Variants in TENM2 observed in about 807,000 individuals in gnomAD.
TENM2 encodes the protein teneurin-2.
TENM2 carries 52 observed loss-of-function variants against 245.2 expected under a neutral mutation model. The ratio of observed to expected loss-of-function variants is 0.21; its 90% CI spans 0.17 to 0.27. TENM2 has a LOEUF of 0.27. Ranked by LOEUF, TENM2 falls within the 10% of genes least tolerant of loss-of-function variation. The pLI is 1.00. For synonymous variants in TENM2, 1,363 were observed against 1,438.9 expected (o/e 0.95, Z 1.19); for missense variants, 3,046 against 3,666.8 (o/e 0.83, Z 4.37).
At chr5:167,868,436 G>C (rs1772519960) in intron 2 of TENM2, among the ~76,000 whole-genome samples, 1 of 151,910 alleles carries the variant, frequency 6.6e-6, no homozygotes, top group African/African-American at 2.4e-5. Flanking sequence ...ATATATATCT[G>C]TATTTAAATT....
intron 2 of TENM2, among the ~76,000 whole-genome samples, chr5:167,760,571 G>T (rs1375322408): frequency 6.6e-6 from 1 of 152,150 alleles, no homozygotes; most frequent in Non-Finnish European, 1.5e-5. Flanking sequence ...CCCTAGAGTG[G>T]ACAGCCAGTT....
At chr5:167,808,653 A>G (rs1766407943) in intron 2 of TENM2, among the ~76,000 whole-genome samples, 1 of 152,192 alleles carries the variant, frequency 6.6e-6, no homozygotes, top group South Asian at 2.1e-4. Flanking sequence ...AGAGAGATAG[A>G]AACCCCTTGT....
At chr5:167,739,465 G>C (rs1318899561) in intron 2 of TENM2, among the ~76,000 whole-genome samples, 2 of 152,144 alleles carry the variant, frequency 1.3e-5, no homozygotes, top group African/African-American at 4.8e-5. Context: ...CCAGTTACCT[G>C]TAAGCCAGAC....
At chr5:167,017,932 G>A in the TENM2 span, among the ~76,000 whole-genome samples, 1 of 152,128 alleles carries the variant, frequency 6.6e-6, no homozygotes, top group Non-Finnish European at 1.5e-5. Flanking sequence ...AAATGTAGGA[G>A]AAAAGGAAAT....
At chr5:167,654,404 G>A (rs967833031) in intron 2 of TENM2, among the ~76,000 whole-genome samples, 1 of 152,078 alleles carries the variant, frequency 6.6e-6, no homozygotes, top group Non-Finnish European at 1.5e-5. Flanking sequence ...TCTGGAGAGC[G>A]AGTGCCTCCT....
intron 2 of TENM2, among the ~76,000 whole-genome samples, chr5:167,800,916 T>C (rs1189306555): frequency 6.6e-6 from 1 of 151,784 alleles, no homozygotes; most frequent in Admixed American, 6.6e-5. Flanking sequence ...AGTAGATGAA[T>C]AGGCTGATTT....
At chr5:167,845,782 C>A (rs1769988454) in intron 2 of TENM2, among the ~76,000 whole-genome samples, 1 of 152,152 alleles carries the variant, frequency 6.6e-6, no homozygotes. Context: ...ATTTTGTCTT[C>A]AAAATAGCCC....
chr5:167,777,481 G>A (rs1442260653), intron 2 of TENM2, among the ~76,000 whole-genome samples: 1 of 152,200 alleles, frequency 6.6e-6, no homozygotes, highest in Non-Finnish European at 1.5e-5. Context: ...GTGTTTGGGA[G>A]GTGGTACGAC....
At chr5:168,047,334 C>T in intron 5 of TENM2, 93 bp from the exon 8 acceptor site, 1 of 1,428,200 alleles carries the variant, frequency 7.0e-7, no homozygotes, top group South Asian at 1.3e-5. Context: ...CCTCAAAAGG[C>T]AATCGCTTGG....
At chr5:167,101,657 C>A in the TENM2 span, among the ~76,000 whole-genome samples, 1 of 151,226 alleles carries the variant, frequency 6.6e-6, no homozygotes. Flanking sequence ...TCCACTCCCT[C>A]TTGGGAATCC....
the TENM2 span, among the ~76,000 whole-genome samples, chr5:167,062,450 G>A: frequency 6.6e-6 from 1 of 151,428 alleles, no homozygotes; most frequent in African/African-American, 2.4e-5. Flanking sequence ...AAGAACTCAG[G>A]TTGGATTTTA....
At chr5:167,158,506 T>G in the TENM2 span, among the ~76,000 whole-genome samples, 1 of 152,202 alleles carries the variant, frequency 6.6e-6, no homozygotes, top group South Asian at 2.1e-4. Context: ...ATAGATTGTG[T>G]GGCTTCAACG....
chr5:167,956,833 T>C (rs1037387245), intron 4 of TENM2, among the ~76,000 whole-genome samples: 1 of 152,192 alleles, frequency 6.6e-6, no homozygotes, highest in Non-Finnish European at 1.5e-5. Context: ...GACTTGATCA[T>C]GGTGGAGAAG....
intron 25 of TENM2, among the ~76,000 whole-genome samples, chr5:168,228,859 A>ATTAT (rs1372226637): frequency 6.8e-6 from 1 of 147,912 alleles, no homozygotes; most frequent in Non-Finnish European, 1.5e-5. Flanking sequence ...TAATTATATT[A>ATTAT]TTATTATAAT....
intron 2 of TENM2, among the ~76,000 whole-genome samples, chr5:167,593,174 T>C (rs1775988877): frequency 6.6e-6 from 1 of 152,218 alleles, no homozygotes; most frequent in Non-Finnish European, 1.5e-5. Flanking sequence ...TACAGCTCAC[T>C]TTCTGTGGAA....
chr5:166,994,595 C>A, the TENM2 span, among the ~76,000 whole-genome samples: 2 of 152,250 alleles, frequency 1.3e-5, no homozygotes, highest in African/African-American at 4.8e-5. Context: ...TATGCATGTT[C>A]TTTGTGAGTT....
chr5:168,115,348 G>GAGGGAAGGA (rs1319201596), intron 9 of TENM2, among the ~76,000 whole-genome samples: 40 of 116,014 alleles, frequency 3.4e-4, no homozygotes, highest in Admixed American at 1.5e-3. Context: ...GGAAGGAAAG[G>GAGGGAAGGA]AGGGAAGGAA....
Position 168,160,238 on chromosome 5 carries a change from C to T in TENM2, c.2423-2373C>T, listed in dbSNP as rs545236504. ...TGTCCCTTGGTCTTTTCCTACTGAG[C>T]TCATTTTGTTCCTGCAGAAATGTTT... On this transcript the variant is annotated intron_variant, in intron 12 of 28. Transcript: ENST00000518659. 2.0e-5 allele frequency among the ~76,000 whole-genome samples: 3 copies of T among 152,326 alleles called. No homozygotes were observed. In the South Asian group the frequency reaches 6.2e-4, roughly 32 times the overall value.
chr5:167,515,065 A>G (rs1467546105), intron 2 of TENM2, among the ~76,000 whole-genome samples: 1 of 152,080 alleles, frequency 6.6e-6, no homozygotes, highest in Non-Finnish European at 1.5e-5. Flanking sequence ...TGGAAAGGAA[A>G]CCTGAGCCAT....
Sources: allele counts gnomAD v4.1 joint callset (sites outside exome capture counted in the v4.1 genomes callset), GRCh38; gene constraint gnomAD v4.1.1; transcripts MANE v1.5; gene names NCBI Gene and HGNC (gene_info 2026-07-23, HGNC 2026-07-21).